Variants in FSTL4 observed in about 807,000 individuals in gnomAD.
FSTL4 encodes the protein follistatin-related protein 4.
FSTL4 carries 28 observed loss-of-function variants against 78.2 expected under a neutral mutation model. That is an observed-to-expected ratio of 0.36 (90% CI 0.27 to 0.49). FSTL4 has a LOEUF of 0.49. Ranked by LOEUF, FSTL4 falls within the 20% of genes least tolerant of loss-of-function variation. FSTL4 has a pLI of 0.98. For synonymous variants in FSTL4, 422 were observed against 440.5 expected, an observed-to-expected ratio of 0.96 and a Z score of 0.53; for missense variants, 922 against 1,084.9, an observed-to-expected ratio of 0.85 and a Z score of 2.11.
intron 4 of FSTL4, among the ~76,000 whole-genome samples, chr5:133,363,101 G>T (rs1383169192): frequency 6.6e-6 from 1 of 151,934 alleles, no homozygotes; most frequent in African/African-American, 2.4e-5. Context: ...TTTTATGACT[G>T]CGCTGTCATT....
At chr5:133,256,023 C>T (rs2126829551) in intron 6 of FSTL4, among the ~76,000 whole-genome samples, 1 of 152,288 alleles carries the variant, frequency 6.6e-6, no homozygotes, top group Admixed American at 6.5e-5. Flanking sequence ...ATGTCAGAAA[C>T]ACACTAATGG....
At chr5:133,707,914 T>G in the FSTL4 span, among the ~76,000 whole-genome samples, 1 of 151,996 alleles carries the variant, frequency 6.6e-6, no homozygotes, top group Non-Finnish European at 1.5e-5. Context: ...GAGGCTTCCT[T>G]GCATTTCAGG....
intron 4 of FSTL4, among the ~76,000 whole-genome samples, chr5:133,397,677 G>A (rs867210655): frequency 5.9e-5 from 9 of 152,128 alleles, no homozygotes; most frequent in Admixed American, 3.3e-4. Flanking sequence ...GCCACAGACG[G>A]GAGCTCTGAA....
chr5:133,673,801 T>C, the FSTL4 span, among the ~76,000 whole-genome samples: 15,803 of 152,088 alleles, frequency 0.1, 1,006 homozygotes, highest in South Asian at 0.21. Context: ...GAAACCGCAA[T>C]TCAAAGCAGC....
intron 3 of FSTL4, among the ~76,000 whole-genome samples, chr5:133,463,831 G>T (rs1422602034): frequency 6.6e-6 from 1 of 152,124 alleles, no homozygotes; most frequent in Admixed American, 6.5e-5. Context: ...CTAAATGAAG[G>T]TGCTGAGCAC....
At chr5:133,451,926 A>G (rs2127011257) in intron 3 of FSTL4, among the ~76,000 whole-genome samples, 1 of 152,366 alleles carries the variant, frequency 6.6e-6, no homozygotes, top group East Asian at 1.9e-4. Context: ...GCCACAGCCA[A>G]AGAGAGAAGG....
At chr5:133,548,696 C>A (rs1376571370) in intron 3 of FSTL4, among the ~76,000 whole-genome samples, 9 of 151,952 alleles carry the variant, frequency 5.9e-5, no homozygotes, top group Admixed American at 3.9e-4. Context: ...GAACTGGAAC[C>A]CATAAGACAG....
chr5:133,310,204 G>A (rs980214595), intron 6 of FSTL4, among the ~76,000 whole-genome samples: 4 of 152,136 alleles, frequency 2.6e-5, no homozygotes, highest in Admixed American at 1.3e-4. Context: ...GTGAGTTTAC[G>A]TTTTATTGCA....
In FSTL4 at chr5:133,252,286, A is replaced by C. The variant is rs187592587; in HGVS notation, c.728-2710T>G. The C allele has an allele frequency of 2.0e-5, 3 of 152,322 alleles. No homozygotes were observed. In the East Asian group the frequency reaches 5.8e-4, roughly 29 times the overall value. 9.4% of individuals were successfully genotyped at this position (152,322 alleles called of 1,614,324 possible). A position where few individuals can be genotyped will look rare whatever the true frequency, so the allele number is the denominator to read the frequency against. ...GATCTGTGGTCAGACTAGAAGGAAA[A>C]GACCAATTGGGCCATCGGGGAGGGG... is the stretch of plus-strand genomic sequence containing the variant. On this transcript the variant is annotated intron_variant, in intron 6 of 15. Transcript: ENST00000265342.
chr5:133,760,588 CG>C, the FSTL4 span, among the ~76,000 whole-genome samples: 1 of 152,130 alleles, frequency 6.6e-6, no homozygotes, highest in African/African-American at 2.4e-5. Context: ...TGCACTCTGT[CG>C]TTTTCCCAAA....
At chr5:133,237,338 G>A (rs1478271856) in intron 7 of FSTL4, among the ~76,000 whole-genome samples, 1 of 152,136 alleles carries the variant, frequency 6.6e-6, no homozygotes, top group Non-Finnish European at 1.5e-5. Context: ...CGCTACTGAT[G>A]ACTTGTGCTG....
chr5:133,410,362 C>T (rs569765693), intron 3 of FSTL4, among the ~76,000 whole-genome samples: 1 of 152,222 alleles, frequency 6.6e-6, no homozygotes, highest in Non-Finnish European at 1.5e-5. Flanking sequence ...CTCTGGGCTC[C>T]CTCCGTCTTG....
the FSTL4 span, among the ~76,000 whole-genome samples, chr5:133,644,147 G>A: frequency 2.6e-5 from 4 of 152,248 alleles, no homozygotes; most frequent in South Asian, 8.3e-4. Flanking sequence ...GAGAAAAGAA[G>A]GTTCACTGGA....
At chr5:133,521,254 T>C (rs1159293860) in intron 3 of FSTL4, among the ~76,000 whole-genome samples, 1 of 152,182 alleles carries the variant, frequency 6.6e-6, no homozygotes, top group Non-Finnish European at 1.5e-5. Flanking sequence ...GGACCCAAGC[T>C]GGTCCAGCAA....
At chr5:133,816,802 T>C in the FSTL4 span, among the ~76,000 whole-genome samples, 2 of 152,224 alleles carry the variant, frequency 1.3e-5, no homozygotes, top group African/African-American at 4.8e-5. Flanking sequence ...GCACTGACCC[T>C]TCCTCTCTTA....
chr5:133,254,920 C>T (rs1752347250), intron 6 of FSTL4, among the ~76,000 whole-genome samples: 2 of 152,176 alleles, frequency 1.3e-5, no homozygotes, highest in African/African-American at 2.4e-5. Flanking sequence ...GGGCTGTGGA[C>T]CAGTTAAGCC....
At chr5:133,742,487 T>C in the FSTL4 span, among the ~76,000 whole-genome samples, 1 of 152,188 alleles carries the variant, frequency 6.6e-6, no homozygotes, top group Non-Finnish European at 1.5e-5. Context: ...CCTACATAAC[T>C]GGAGGAAGTG....
the FSTL4 span, among the ~76,000 whole-genome samples, chr5:133,768,650 G>C: frequency 6.6e-6 from 1 of 152,194 alleles, no homozygotes; most frequent in Non-Finnish European, 1.5e-5. Context: ...TCTGTGTAAA[G>C]TTTGCTTTTG....
At chr5:133,785,394 A>C in the FSTL4 span, among the ~76,000 whole-genome samples, 3 of 152,296 alleles carry the variant, frequency 2.0e-5, no homozygotes, top group East Asian at 5.8e-4. Flanking sequence ...TTTAGCAAGT[A>C]ACTCACCTTT....
Sources: gnomAD v4.1 joint callset for allele counts (sites outside exome capture counted in the v4.1 genomes callset) on GRCh38, gnomAD v4.1.1 for gene constraint, MANE v1.5 for transcripts, NCBI Gene and HGNC (gene_info 2026-07-23, HGNC 2026-07-21) for gene names.